HS3ST4: variants seen among roughly 807,000 people sequenced by gnomAD.
HS3ST4 encodes heparan sulfate glucosamine 3-O-sulfotransferase 4.
A neutral mutation model predicts 29.2 loss-of-function variants in HS3ST4; 17 were observed. The observed-to-expected ratio is 0.58, with a 90% CI of 0.40 to 0.87. HS3ST4 has a LOEUF of 0.87. Among genes scored for constraint, HS3ST4 ranks in the 40% least tolerant of loss-of-function variants. The pLI, the probability that HS3ST4 is intolerant of heterozygous loss-of-function variation, is 0.00. For synonymous variants in HS3ST4, 314 were observed against 285.7 expected, an observed-to-expected ratio of 1.10 and a Z score of -1.00; for missense variants, 627 against 634.5, an observed-to-expected ratio of 0.99 and a Z score of 0.13.
At chr16:25,784,237 C>T (rs1966855262) in intron 1 of HS3ST4, among the ~76,000 whole-genome samples, 1 of 152,146 alleles carries the variant, frequency 6.6e-6, no homozygotes, top group Non-Finnish European at 1.5e-5. Context: ...ACTTCCAATT[C>T]CCTGAGACAC....
chr16:26,039,800 C>G (rs373308481), intron 1 of HS3ST4, among the ~76,000 whole-genome samples: 23 of 152,090 alleles, frequency 1.5e-4, no homozygotes, highest in Non-Finnish European at 2.9e-4. Context: ...TTCAATTCAA[C>G]TCATGGACAT....
At chr16:25,731,068 G>C (rs141426761) in intron 1 of HS3ST4, among the ~76,000 whole-genome samples, 5 of 152,284 alleles carry the variant, frequency 3.3e-5, no homozygotes, top group Non-Finnish European at 7.4e-5. Flanking sequence ...CCAGCAACAA[G>C]ATGTGAGAAC....
At chr16:25,755,248 C>T (rs1345824869) in intron 1 of HS3ST4, among the ~76,000 whole-genome samples, 1 of 152,106 alleles carries the variant, frequency 6.6e-6, no homozygotes, top group Non-Finnish European at 1.5e-5. Context: ...TAAGAAACTC[C>T]ATACTATTAA....
chr16:26,005,529 T>G (rs1354343178), intron 1 of HS3ST4, among the ~76,000 whole-genome samples: 1 of 152,158 alleles, frequency 6.6e-6, no homozygotes, highest in Non-Finnish European at 1.5e-5. Flanking sequence ...CATTATTGAC[T>G]GGAGTTGAAT....
chr16:25,858,577 G>A (rs1226428736), intron 1 of HS3ST4, among the ~76,000 whole-genome samples: 1 of 152,054 alleles, frequency 6.6e-6, no homozygotes, highest in Non-Finnish European at 1.5e-5. Context: ...TTTCTGAGTT[G>A]CAATGTATGC....
At chr16:26,067,540 TC>T (rs1401560489) in intron 1 of HS3ST4, among the ~76,000 whole-genome samples, 4 of 151,992 alleles carry the variant, frequency 2.6e-5, no homozygotes, top group African/African-American at 9.7e-5. Context: ...CCTCACTGAT[TC>T]TGTTTTCTCT....
In HS3ST4 at chr16:25,750,141, C is replaced by G. The variant is rs1327218911; in HGVS notation, c.734+56990C>G. 2.0e-5 allele frequency among the ~76,000 whole-genome samples: 3 copies of G among 152,142 alleles called. No homozygotes were observed. The East Asian group carries it at 5.8e-4, about 29-fold the overall frequency. ...TCTTCTTAATTTATATGTTTTGGAT[C>G]TAGGCTGGTATGAAACAAAAACTGG... On this transcript the variant is annotated intron_variant, in intron 1 of 1. Transcript: ENST00000331351.
chr16:25,893,991 G>A (rs767377706), intron 1 of HS3ST4, among the ~76,000 whole-genome samples: 5 of 152,172 alleles, frequency 3.3e-5, no homozygotes, highest in South Asian at 2.1e-4. Flanking sequence ...AAACCAGGGC[G>A]ATTTCTACCT....
intron 1 of HS3ST4, among the ~76,000 whole-genome samples, chr16:25,914,285 G>T (rs539880613): frequency 9.3e-4 from 139 of 150,234 alleles, no homozygotes; most frequent in Middle Eastern, 3.5e-3. Context: ...TGTGGGTAGG[G>T]TGTGCACGTA....
chr16:25,894,860 T>G (rs1968044133), intron 1 of HS3ST4, among the ~76,000 whole-genome samples: 2 of 152,186 alleles, frequency 1.3e-5, no homozygotes, highest in Non-Finnish European at 2.9e-5. Flanking sequence ...CTCATATCAT[T>G]CCATATTTAC....
intron 1 of HS3ST4, among the ~76,000 whole-genome samples, chr16:26,095,636 T>C (rs1421490511): frequency 6.6e-6 from 1 of 152,220 alleles, no homozygotes; most frequent in Non-Finnish European, 1.5e-5. Flanking sequence ...GGGAAATTTA[T>C]AGCACTAAAT....
chr16:26,131,511 C>A (rs1899418796), intron 1 of HS3ST4, among the ~76,000 whole-genome samples: 2 of 152,126 alleles, frequency 1.3e-5, no homozygotes, highest in Non-Finnish European at 2.9e-5. Flanking sequence ...AATGTGAGAA[C>A]ATGAGTATAT....
intron 1 of HS3ST4, among the ~76,000 whole-genome samples, chr16:26,080,364 A>ATACC (rs1898710996): frequency 6.6e-6 from 1 of 152,294 alleles, no homozygotes; most frequent in African/African-American, 2.4e-5. Flanking sequence ...GAATGAATGG[A>ATACC]TACCTGGTGA....
intron 1 of HS3ST4, among the ~76,000 whole-genome samples, chr16:25,892,717 G>A (rs1968022448): frequency 6.6e-6 from 1 of 152,196 alleles, no homozygotes. Flanking sequence ...GATGTTGTGA[G>A]GAATTCTGTC....
At chr16:25,903,700 T>G (rs1007823535) in intron 1 of HS3ST4, among the ~76,000 whole-genome samples, 4 of 152,274 alleles carry the variant, frequency 2.6e-5, no homozygotes, top group South Asian at 2.1e-4. Flanking sequence ...CCTCCAGTGC[T>G]TCCTGCATGC....
intron 1 of HS3ST4, among the ~76,000 whole-genome samples, chr16:26,116,169 A>C (rs1305658798): frequency 6.6e-6 from 1 of 152,186 alleles, no homozygotes; most frequent in African/African-American, 2.4e-5. Context: ...TTATTGACTA[A>C]GGACCTCTGC....
chr16:26,119,495 A>G (rs373661619), intron 1 of HS3ST4, among the ~76,000 whole-genome samples: 1 of 152,152 alleles, frequency 6.6e-6, no homozygotes, highest in Non-Finnish European at 1.5e-5. Flanking sequence ...CAGGTTTTAG[A>G]CTGAGCAATT....
At chr16:25,960,040 G>A (rs1012028028) in intron 1 of HS3ST4, among the ~76,000 whole-genome samples, 12 of 152,096 alleles carry the variant, frequency 7.9e-5, no homozygotes, top group African/African-American at 2.9e-4. Flanking sequence ...GGAAGCTGAG[G>A]CAGGAGAATC....
chr16:26,133,155 G>A (rs1296906662), intron 1 of HS3ST4, among the ~76,000 whole-genome samples: 1 of 151,246 alleles, frequency 6.6e-6, no homozygotes, highest in Non-Finnish European at 1.5e-5. Context: ...TTGCCCTTCT[G>A]TAAGAATTAC....
Sources: allele counts gnomAD v4.1 joint callset (sites outside exome capture counted in the v4.1 genomes callset), GRCh38; gene constraint gnomAD v4.1.1; transcripts MANE v1.5; gene names NCBI Gene and HGNC (gene_info 2026-07-23, HGNC 2026-07-21).